Variants in PDGFD observed in about 807,000 individuals in gnomAD.
The protein encoded by PDGFD is platelet derived growth factor D.
In PDGFD, 30 loss-of-function variants were observed where a neutral mutation model predicts 44.7. That is an observed-to-expected ratio of 0.67 (90% confidence interval 0.50 to 0.91). The LOEUF (loss-of-function observed/expected upper bound fraction) is 0.91. PDGFD is among the 40% of genes least tolerant of loss of function. The pLI is 0.00. For synonymous variants in PDGFD, 173 were observed against 168.4 expected (o/e 1.03, Z -0.21); for missense variants, 445 against 457.8 (o/e 0.97, Z 0.25).
chr11:104,015,131 C>T (rs1041887210), intron 1 of PDGFD, among the ~76,000 whole-genome samples: 1 of 152,120 alleles, frequency 6.6e-6, no homozygotes, highest in Non-Finnish European at 1.5e-5. Flanking sequence ...TCTTAATGTG[C>T]TACTTAAAAA....
chr11:103,992,020 T>C (rs557166580), intron 3 of PDGFD, among the ~76,000 whole-genome samples: 1 of 152,286 alleles, frequency 6.6e-6, no homozygotes, highest in African/African-American at 2.4e-5. Context: ...ATCCAACCAT[T>C]CATTTGTTCT....
intron 3 of PDGFD, among the ~76,000 whole-genome samples, chr11:103,983,366 T>C (rs940261837): frequency 1.3e-5 from 2 of 151,772 alleles, no homozygotes; most frequent in Non-Finnish European, 2.9e-5. Flanking sequence ...TGGCTAGCCA[T>C]ATGCAGAAGA....
intron 1 of PDGFD, among the ~76,000 whole-genome samples, chr11:104,026,952 C>T (rs1860050350): frequency 6.6e-6 from 1 of 152,180 alleles, no homozygotes; most frequent in Non-Finnish European, 1.5e-5. Flanking sequence ...GCCATATTAA[C>T]CTGACTTAAT....
At chr11:104,116,187 CATTCTGAGTTT>C (rs1220599104) in intron 1 of PDGFD, among the ~76,000 whole-genome samples, 2 of 152,028 alleles carry the variant, frequency 1.3e-5, no homozygotes, top group African/African-American at 4.8e-5. Flanking sequence ...GCCCTTGATA[CATTCTGAGTTT>C]ATTTTTGTAT....
At chr11:103,984,967 AT>A (rs1442091498) in intron 3 of PDGFD, among the ~76,000 whole-genome samples, 2 of 131,390 alleles carry the variant, frequency 1.5e-5, no homozygotes, top group African/African-American at 5.8e-5. Context: ...ATATAGTTAT[AT>A]TTATTTAATA....
At chr11:103,919,372 G>A (rs1248045046) in intron 6 of PDGFD, among the ~76,000 whole-genome samples, 1 of 152,060 alleles carries the variant, frequency 6.6e-6, no homozygotes, top group Non-Finnish European at 1.5e-5. Context: ...CTTGTTTATT[G>A]AGAATATAAA....
intron 3 of PDGFD, among the ~76,000 whole-genome samples, chr11:103,994,508 C>T (rs1377116873): frequency 2.6e-5 from 4 of 152,044 alleles, no homozygotes; most frequent in African/African-American, 4.8e-5. Context: ...TTTTCATTTA[C>T]AATGTTCTGA....
intron 1 of PDGFD, among the ~76,000 whole-genome samples, chr11:104,130,914 G>A (rs1441562633): frequency 6.6e-6 from 1 of 152,118 alleles, no homozygotes; most frequent in African/African-American, 2.4e-5. Context: ...ATTATCTTGT[G>A]TATTCTAAGA....
rs572708026 is a variant in PDGFD at position 103,957,843 on chromosome 11, T to C, written c.511-10119A>G. 3.3e-5 allele frequency among the ~76,000 whole-genome samples: 5 copies of C among 152,226 alleles called. No homozygotes were observed. In the East Asian group the frequency reaches 7.7e-4, roughly 24 times the overall value. Reference sequence around the variant, plus strand: ...GCATACCAAGGGGCTGCACAGAAAGTTGCAAATTGCAAAATACTACTTTGT... The same window carrying C: ...GCATACCAAGGGGCTGCACAGAAAGCTGCAAATTGCAAAATACTACTTTGT... On this transcript the variant is annotated intron_variant, in intron 3 of 6. Coordinates refer to ENST00000393158, the MANE Select transcript of PDGFD (RefSeq NM_025208.5).
intron 1 of PDGFD, among the ~76,000 whole-genome samples, chr11:104,060,786 A>AT (rs1404093970): frequency 6.6e-6 from 1 of 152,226 alleles, no homozygotes; most frequent in African/African-American, 2.4e-5. Flanking sequence ...TAACTCATTC[A>AT]TTTAAAGTAC....
At chr11:104,015,790 A>G (rs1859851621) in intron 1 of PDGFD, among the ~76,000 whole-genome samples, 1 of 152,222 alleles carries the variant, frequency 6.6e-6, no homozygotes, top group South Asian at 2.1e-4. Context: ...TGTCCAATTT[A>G]GCCATTCACC....
At chr11:104,103,703 A>T (rs1861431408) in intron 1 of PDGFD, among the ~76,000 whole-genome samples, 1 of 151,926 alleles carries the variant, frequency 6.6e-6, no homozygotes. Context: ...TCATAGTGCA[A>T]TGCATTACTT....
intron 1 of PDGFD, among the ~76,000 whole-genome samples, chr11:104,043,208 C>T (rs1860387745): frequency 1.3e-5 from 2 of 152,118 alleles, no homozygotes. Context: ...ACACTAAATA[C>T]AACAAGGAAG....
intron 1 of PDGFD, among the ~76,000 whole-genome samples, chr11:104,075,679 C>T (rs1246818565): frequency 6.6e-6 from 1 of 151,904 alleles, no homozygotes; most frequent in Admixed American, 6.6e-5. Flanking sequence ...ACCTTAATAA[C>T]CTTGGTAGAT....
chr11:104,020,900 T>C (rs773957309), intron 1 of PDGFD, among the ~76,000 whole-genome samples: 3 of 152,140 alleles, frequency 2.0e-5, no homozygotes, highest in East Asian at 1.9e-4. Flanking sequence ...GATTAAGGAA[T>C]ACATTTTTCT....
chr11:104,118,329 G>A (rs564954909), intron 1 of PDGFD, among the ~76,000 whole-genome samples: 7 of 151,894 alleles, frequency 4.6e-5, no homozygotes, highest in African/African-American at 1.7e-4. Context: ...TAGGCTATGT[G>A]AGGATACAAT....
chr11:103,949,237 AG>A (rs1240547979), intron 3 of PDGFD, among the ~76,000 whole-genome samples: 2 of 152,044 alleles, frequency 1.3e-5, no homozygotes, highest in African/African-American at 2.4e-5. Flanking sequence ...TATTGACCTC[AG>A]GTGATCTACC....
At chr11:104,102,622 T>C (rs1020252139) in intron 1 of PDGFD, among the ~76,000 whole-genome samples, 4 of 152,194 alleles carry the variant, frequency 2.6e-5, no homozygotes, top group African/African-American at 9.7e-5. Flanking sequence ...TAAAGACACA[T>C]GCACACGTAT....
intron 1 of PDGFD, among the ~76,000 whole-genome samples, chr11:104,048,046 A>G (rs997587014): frequency 1.2e-4 from 18 of 152,344 alleles, no homozygotes; most frequent in African/African-American, 4.3e-4. Flanking sequence ...AGAGAACTAT[A>G]GAGATTCCTG....
Sources: allele counts gnomAD v4.1 joint callset (sites outside exome capture counted in the v4.1 genomes callset), GRCh38; gene constraint gnomAD v4.1.1; transcripts MANE v1.5; gene names NCBI Gene and HGNC (gene_info 2026-07-23, HGNC 2026-07-21).